The following CPQ variants were observed in gnomAD, a reference collection of about 807,000 sequenced individuals.
CPQ encodes Ser-Met dipeptidase.
CPQ carries 37 observed loss-of-function variants against 45.7 expected under a neutral mutation model. That is an observed-to-expected ratio of 0.81 (90% CI 0.62 to 1.07). CPQ has a LOEUF of 1.07. Ranked by LOEUF, CPQ falls within the 50% of genes least tolerant of loss-of-function variation. The probability of loss-of-function intolerance (pLI) is 0.00; values close to 1 mark genes in which losing one functional copy is unlikely to be tolerated. For missense variants in CPQ, 537 were observed against 572.9 expected (o/e 0.94, Z 0.64); for synonymous variants, 186 against 205.8 (o/e 0.90, Z 0.82).
intron 6 of CPQ, among the ~76,000 whole-genome samples, chr8:97,039,745 G>C (rs1586508267): frequency 1.3e-5 from 2 of 148,632 alleles, no homozygotes; most frequent in Non-Finnish European, 3.0e-5. Flanking sequence ...TTGGTTTTTT[G>C]TCCTTGCGAT....
At chr8:96,981,566 A>AT (rs1260127028) in intron 5 of CPQ, among the ~76,000 whole-genome samples, 1 of 152,190 alleles carries the variant, frequency 6.6e-6, no homozygotes, top group Non-Finnish European at 1.5e-5. Context: ...TAGTGAAATA[A>AT]TTTTACCTGA....
intron 6 of CPQ, among the ~76,000 whole-genome samples, chr8:97,035,099 G>A (rs758158404): frequency 6.6e-6 from 1 of 152,004 alleles, no homozygotes; most frequent in Non-Finnish European, 1.5e-5. Flanking sequence ...CACCATGTTG[G>A]TCAAGATGGT....
intron 1 of CPQ, among the ~76,000 whole-genome samples, chr8:96,740,072 T>C (rs1810061237): frequency 2.0e-5 from 3 of 152,210 alleles, no homozygotes; most frequent in Admixed American, 2.0e-4. Flanking sequence ...ATTTTCATGA[T>C]ATTGATTCTT....
intron 1 of CPQ, among the ~76,000 whole-genome samples, chr8:96,778,704 AT>A (rs1810647588): frequency 6.6e-6 from 1 of 152,190 alleles, no homozygotes; most frequent in African/African-American, 2.4e-5. Flanking sequence ...TTTCAAAGTG[AT>A]TATATCATTT....
intron 7 of CPQ, among the ~76,000 whole-genome samples, 192 bp from the exon 8 acceptor site, chr8:97,142,828 C>T (rs548479474): frequency 2.0e-5 from 3 of 152,330 alleles, no homozygotes; most frequent in Non-Finnish European, 2.9e-5. Flanking sequence ...TCATCCACAG[C>T]CGGCTACTCA....
intron 2 of CPQ, among the ~76,000 whole-genome samples, chr8:96,811,973 A>G (rs1811166329): frequency 1.3e-5 from 2 of 152,194 alleles, no homozygotes; most frequent in African/African-American, 2.4e-5. Context: ...AGAAATCCAC[A>G]TTAGTGATTC....
chr8:96,991,097 AG>A (rs1809085487), intron 5 of CPQ, among the ~76,000 whole-genome samples: 3 of 152,154 alleles, frequency 2.0e-5, no homozygotes, highest in Admixed American at 2.0e-4. Flanking sequence ...TCTTAGAGAC[AG>A]GCATCCAGGC....
At chr8:96,867,203 C>A (rs979217285) in intron 3 of CPQ, among the ~76,000 whole-genome samples, 2 of 151,988 alleles carry the variant, frequency 1.3e-5, no homozygotes, top group Non-Finnish European at 2.9e-5. Flanking sequence ...AAAGTATTCT[C>A]TTTTTGAAAG....
chr8:96,717,438 C>T (rs1222683242), intron 1 of CPQ, among the ~76,000 whole-genome samples: 2 of 151,938 alleles, frequency 1.3e-5, no homozygotes, highest in East Asian at 1.9e-4. Context: ...ATACCAGTAC[C>T]GTGCTGTTTT....
intron 1 of CPQ, among the ~76,000 whole-genome samples, chr8:96,746,310 C>T (rs1311178147): frequency 6.6e-6 from 1 of 152,136 alleles, no homozygotes; most frequent in Admixed American, 6.5e-5. Context: ...AAATTCATAG[C>T]ACTTAAAATA....
intron 1 of CPQ, among the ~76,000 whole-genome samples, chr8:96,698,335 A>T (rs1809413549): frequency 6.6e-6 from 1 of 152,198 alleles, no homozygotes; most frequent in Non-Finnish European, 1.5e-5. Flanking sequence ...TTCATGATAT[A>T]CAAAAATCAA....
intron 7 of CPQ, among the ~76,000 whole-genome samples, chr8:97,140,680 A>C (rs1812143069): frequency 6.6e-6 from 1 of 152,058 alleles, no homozygotes; most frequent in Non-Finnish European, 1.5e-5. Flanking sequence ...AAAATCCAAA[A>C]ATACTTTTGG....
chr8:96,667,295 T>C (rs1808937567), intron 1 of CPQ, among the ~76,000 whole-genome samples: 1 of 152,088 alleles, frequency 6.6e-6, no homozygotes, highest in South Asian at 2.1e-4. Context: ...GTTCAGATGA[T>C]GGTGATTTTT....
intron 7 of CPQ, among the ~76,000 whole-genome samples, chr8:97,067,670 AT>A (rs147907040): frequency 1.5e-3 from 233 of 152,362 alleles, no homozygotes; most frequent in African/African-American, 5.2e-3. Context: ...ATAACTAAAA[AT>A]AAAAGGAGCT....
intron 7 of CPQ, chr8:97,092,683 A>G (rs917208929): frequency 6.6e-6 from 1 of 152,226 alleles, no homozygotes; most frequent in African/African-American, 2.4e-5. Context: ...AAGATTGATT[A>G]AAGACTTAAG....
chr8:97,030,275 G>C (rs935244080), intron 6 of CPQ, among the ~76,000 whole-genome samples: 2 of 152,176 alleles, frequency 1.3e-5, no homozygotes, highest in Non-Finnish European at 2.9e-5. Flanking sequence ...GGTTTCCCCT[G>C]AATGTCCAGA....
chr8:96,911,590 G>T (rs1812665100), intron 4 of CPQ, among the ~76,000 whole-genome samples: 1 of 152,128 alleles, frequency 6.6e-6, no homozygotes, highest in African/African-American at 2.4e-5. Context: ...TGTTTCTCTT[G>T]TATAATGCCC....
intron 1 of CPQ, among the ~76,000 whole-genome samples, chr8:96,696,161 AATC>A (rs1809378163): frequency 6.6e-6 from 1 of 152,018 alleles, no homozygotes; most frequent in Admixed American, 6.6e-5. Context: ...TGAAATTGGA[AATC>A]ATCATTCTCA....
chr8:96,791,647 A>G (rs1810847404), intron 2 of CPQ, among the ~76,000 whole-genome samples: 1 of 152,186 alleles, frequency 6.6e-6, no homozygotes, highest in Non-Finnish European at 1.5e-5. Flanking sequence ...TTAAGCTCTG[A>G]AGAGACTGGA....
Sources: allele counts gnomAD v4.1 joint callset (sites outside exome capture counted in the v4.1 genomes callset), GRCh38; gene constraint gnomAD v4.1.1; transcripts MANE v1.5; gene names NCBI Gene and HGNC (gene_info 2026-07-23, HGNC 2026-07-21).